RBFOX3: variants seen among roughly 807,000 people sequenced by gnomAD.
RBFOX3 encodes the protein RNA binding fox-1 homolog 3.
In RBFOX3, 17 loss-of-function variants were observed where a neutral mutation model predicts 48.7. The ratio of observed to expected loss-of-function variants is 0.35; its 90% CI spans 0.24 to 0.52. RBFOX3 has a LOEUF of 0.52. Ranked by LOEUF, RBFOX3 falls within the 20% of genes least tolerant of loss-of-function variation. The probability of loss-of-function intolerance (pLI) is 0.94; values close to 1 mark genes in which losing one functional copy is unlikely to be tolerated. For missense variants in RBFOX3, 382 were observed against 497.5 expected (o/e 0.77, Z 2.21); for synonymous variants, 212 against 209.5 (o/e 1.01, Z -0.10).
chr17:79,126,278 G>T (rs934538695), intron 4 of RBFOX3, among the ~76,000 whole-genome samples: 1 of 152,248 alleles, frequency 6.6e-6, no homozygotes, highest in African/African-American at 2.4e-5. Context: ...AGGACAGACG[G>T]ATGTCCACTT....
intron 2 of RBFOX3, among the ~76,000 whole-genome samples, chr17:79,429,580 G>A (rs530175637): frequency 4.6e-5 from 7 of 152,252 alleles, no homozygotes; most frequent in South Asian, 4.1e-4. Flanking sequence ...TGCAGCTGCC[G>A]AGGTTGGGTC....
At chr17:79,436,335 G>T (rs189005103) in intron 2 of RBFOX3, among the ~76,000 whole-genome samples, 1 of 152,396 alleles carries the variant, frequency 6.6e-6, no homozygotes, top group East Asian at 1.9e-4. Context: ...GCTTGTGTGT[G>T]CACATACTTG....
intron 4 of RBFOX3, among the ~76,000 whole-genome samples, chr17:79,181,141 G>A (rs1381673859): frequency 1.3e-5 from 2 of 152,202 alleles, no homozygotes; most frequent in Non-Finnish European, 2.9e-5. Context: ...AGCCAGTGAG[G>A]ACTATGTCAT....
chr17:79,612,592 G>A (rs908220120), upstream of RBFOX3, among the ~76,000 whole-genome samples: 3 of 152,166 alleles, frequency 2.0e-5, no homozygotes, highest in Non-Finnish European at 2.9e-5. Context: ...TGTCTTGGCC[G>A]GTGGGAATCG....
At position 79,482,925 on chromosome 17, in the gene RBFOX3, C is replaced by G. The variant is rs2078972077; in HGVS notation, c.-319-327G>C. On this transcript the variant is annotated intron_variant, in intron 1 of 14. Coordinates refer to ENST00000693108, the MANE Select transcript of RBFOX3 (RefSeq NM_001350451.2). The surrounding 1 kb of genome is among the most constrained non-coding windows in gnomAD (Gnocchi z 4.1). ...AATCCCAGGGACTCTTCCACCCCACCACGCTGGCCCCTCCCCATCGCCTTT... is the reference window on the plus strand; with the variant it reads ...AATCCCAGGGACTCTTCCACCCCACGACGCTGGCCCCTCCCCATCGCCTTT... Among the ~76,000 whole-genome samples, 1 of 151,990 alleles carries G rather than the reference C, an allele frequency of 6.6e-6. No individual in the cohort carries two copies. The highest frequency in any genetic ancestry group is 2.1e-4 in the South Asian group (1 of 4,824).
intron 2 of RBFOX3, among the ~76,000 whole-genome samples, chr17:79,317,139 C>G (rs1273249500): frequency 6.6e-6 from 1 of 152,174 alleles, no homozygotes; most frequent in African/African-American, 2.4e-5. Context: ...GGCCACCCCC[C>G]TCATTCAGAC....
chr17:79,631,259 G>A, the RBFOX3 span, among the ~76,000 whole-genome samples: 18 of 152,150 alleles, frequency 1.2e-4, no homozygotes, highest in African/African-American at 9.6e-5. Flanking sequence ...CATCTGCCTC[G>A]GCCATCTCAA....
intron 2 of RBFOX3, among the ~76,000 whole-genome samples, chr17:79,412,428 T>C (rs1364211981): frequency 1.3e-5 from 2 of 151,498 alleles, no homozygotes; most frequent in African/African-American, 2.4e-5. Context: ...GTGAGGTGTA[T>C]ACATGTGTGT....
chr17:79,608,188 G>T (rs1327040279), intron 1 of RBFOX3, among the ~76,000 whole-genome samples: 5 of 152,198 alleles, frequency 3.3e-5, no homozygotes, highest in Non-Finnish European at 5.9e-5. Context: ...CAGAGGCAGG[G>T]GCCGCCCATG....
chr17:79,587,956 C>G (rs2144998141), intron 1 of RBFOX3, among the ~76,000 whole-genome samples: 1 of 152,310 alleles, frequency 6.6e-6, no homozygotes, highest in South Asian at 2.1e-4. Flanking sequence ...CCCACCTCAG[C>G]TTCCTGAATA....
chr17:79,329,280 T>C (rs1022511738), intron 2 of RBFOX3, among the ~76,000 whole-genome samples: 1 of 152,098 alleles, frequency 6.6e-6, no homozygotes, highest in African/African-American at 2.4e-5. Context: ...ATTATTACCA[T>C]CATCATCTTC....
intron 4 of RBFOX3, among the ~76,000 whole-genome samples, chr17:79,123,208 G>T (rs2036228798): frequency 6.6e-6 from 1 of 152,198 alleles, no homozygotes; most frequent in Non-Finnish European, 1.5e-5. Context: ...CACTGAAAGA[G>T]CATATTTGTA....
the RBFOX3 span, among the ~76,000 whole-genome samples, chr17:79,664,028 A>T: frequency 1.3e-5 from 2 of 152,192 alleles, no homozygotes; most frequent in Non-Finnish European, 2.9e-5. Flanking sequence ...CGCCAGCCCC[A>T]AAAAGCCTCC....
intron 3 of RBFOX3, among the ~76,000 whole-genome samples, chr17:79,287,225 AC>A (rs1190287790): frequency 6.6e-6 from 1 of 151,900 alleles, no homozygotes. Context: ...AAGGCGAAGG[AC>A]CCCCTGCCTT....
At chr17:79,498,137 G>C (rs1192247131) in intron 1 of RBFOX3, among the ~76,000 whole-genome samples, 2 of 152,230 alleles carry the variant, frequency 1.3e-5, no homozygotes, top group African/African-American at 4.8e-5. Flanking sequence ...AGGCCTGGCA[G>C]AGAGAAGGCC....
chr17:79,583,862 A>G (rs2093155404), intron 1 of RBFOX3, among the ~76,000 whole-genome samples: 1 of 152,072 alleles, frequency 6.6e-6, no homozygotes, highest in Non-Finnish European at 1.5e-5. Context: ...TGGCCATGGG[A>G]AAGGAGGGAA....
chr17:79,296,056 G>C (rs1027712203), intron 3 of RBFOX3, among the ~76,000 whole-genome samples: 1 of 152,128 alleles, frequency 6.6e-6, no homozygotes, highest in African/African-American at 2.4e-5. Context: ...TGTCAAGAAG[G>C]GGATAGAAGA....
intron 4 of RBFOX3, among the ~76,000 whole-genome samples, chr17:79,126,674 C>T (rs2147341268): frequency 6.6e-6 from 1 of 152,278 alleles, no homozygotes; most frequent in Admixed American, 6.5e-5. Context: ...AATTGAGCAC[C>T]CTGAACACTC....
At chr17:79,553,172 T>C (rs897359443) in intron 1 of RBFOX3, among the ~76,000 whole-genome samples, 2 of 152,220 alleles carry the variant, frequency 1.3e-5, no homozygotes, top group Non-Finnish European at 1.5e-5. Context: ...TTTTGCTGAA[T>C]GTTTATCAAG....
Sources: allele counts gnomAD v4.1 joint callset (sites outside exome capture counted in the v4.1 genomes callset), GRCh38; gene constraint gnomAD v4.1.1; non-coding constraint Gnocchi (gnomAD v3.1); transcripts MANE v1.5; gene names NCBI Gene and HGNC (gene_info 2026-07-23, HGNC 2026-07-21).